CCN6: variants seen among roughly 807,000 people sequenced by gnomAD.
CCN6 encodes the protein cellular communication network factor 6, also known as CCN family member 6.
A neutral mutation model predicts 37.4 loss-of-function variants in CCN6; 31 were observed. That is an observed-to-expected ratio of 0.83 (90% CI 0.62 to 1.12). The LOEUF is 1.12. CCN6 is among the 50% of genes most tolerant of loss of function. The pLI is 0.00. For synonymous variants in CCN6, 137 were observed against 142.1 expected, an observed-to-expected ratio of 0.96 and a Z score of 0.26; for missense variants, 369 against 413.8, an observed-to-expected ratio of 0.89 and a Z score of 0.94.
At position 112,064,768 on chromosome 6, in the gene CCN6, T is replaced by A; in HGVS notation, c.360T>A (p.Val120=). The A allele has an allele frequency of 6.2e-7, 1 of 1,614,062 alleles. No homozygotes were observed. Residue 120 remains valine, a synonymous_variant, in exon 3 of 5, where the codon GTT becomes GTA. Coordinates refer to ENST00000368666, the MANE Select transcript of CCN6 (RefSeq NM_198239.2). ...TTCTCTTTTCAGACCTTGTAGCTGT[T>A]GGGTGCGAGTTCAACCAGGTACATT... is the stretch of plus-strand genomic sequence containing the variant. The part of the protein sequence containing the change: ...ETGVCAYLVA[V]GCEFNQVHYH...
chr6:112,069,481 AG>A lies in CCN6; in HGVS notation c.927del (p.Lys309AsnfsTer4). 1 of 1,613,776 alleles carries A rather than the reference AG, an allele frequency of 6.2e-7. No individual in the cohort carries two copies. Among genetic ancestry groups the A allele is most frequent in the Non-Finnish European group, 8.5e-7 (1 of 1,179,846 alleles). ...CLDKRCCIPNKSKMITIQFDC... is the reference protein window; with the variant it reads ...CLDKRCCIPNXSKMITIQFDC... ...GATAAGAGATGCTGTATCCCTAATA[AG>A]TCTAAAATGATTACTATTCAATTTG... On this transcript the variant is annotated frameshift_variant, in exon 5 of 5. Transcript: ENST00000368666. LOFTEE classifies it high-confidence loss of function.
chr6:112,064,765 T>C lies in CCN6; in HGVS notation c.357T>C (p.Ala119=), dbSNP rs1184420428. Residue 119 remains alanine (A), a synonymous_variant, in exon 3 of 5, where the codon GCT becomes GCC. Transcript: ENST00000368666. ...YETGVCAYLV[A]VGCEFNQVHY... ...CTTTTCTCTTTTCAGACCTTGTAGCTGTTGGGTGCGAGTTCAACCAGGTAC... is the reference window on the plus strand; with the variant it reads ...CTTTTCTCTTTTCAGACCTTGTAGCCGTTGGGTGCGAGTTCAACCAGGTAC... 6.2e-7 allele frequency: 1 copy of C among 1,613,954 alleles called. No homozygotes were observed. The highest frequency in any genetic ancestry group is 8.5e-7 in the Non-Finnish European group (1 of 1,179,938).
In CCN6 at chr6:112,061,311, G is replaced by A. The variant is rs1554312832; in HGVS notation, c.346+23G>A. ...CATGTAAGTGTCTTCTTCTGGACCT[G>A]CTGGAAAAGATTGAGTCTAGACAGA... On this transcript the variant is annotated intron_variant, in intron 2 of 4. Transcript: ENST00000368666. 1.9e-6 allele frequency: 3 copies of A among 1,613,976 alleles called. No individual in the cohort carries two copies. The South Asian group carries it at 3.3e-5, about 18-fold the overall frequency.
intron 2 of CCN6, 86 bp downstream of exon 2, chr6:112,061,374 G>T: frequency 6.4e-7 from 1 of 1,573,088 alleles, no homozygotes; most frequent in South Asian, 1.1e-5. Context: ...GGAGTGATCA[G>T]CTTAGTTTGG....
intron 2 of CCN6, 131 bp from the exon 3 acceptor site, chr6:112,064,624 A>G: frequency 7.0e-7 from 1 of 1,424,260 alleles, no homozygotes; most frequent in Non-Finnish European, 9.8e-7. Context: ...GGAGGTTCCA[A>G]ATGGAACCTA....
Position 112,069,574 on chromosome 6 carries a change from A to C in CCN6, c.1019A>C (p.Asn340Thr), listed in dbSNP as rs1554314794. 6.2e-7 allele frequency: 1 copy of C among 1,613,744 alleles called. No individual in the cohort carries two copies. Among genetic ancestry groups the C allele is most frequent in the Non-Finnish European group, 8.5e-7 (1 of 1,179,798 alleles). The change falls in exon 5 of 5, where the codon AAC (asparagine) becomes ACC (threonine). Residue 340 changes from asparagine to threonine, a missense_variant. Asn to Thr is a moderately conservative substitution (Grantham distance 65). Coordinates refer to ENST00000368666, the MANE Select transcript of CCN6 (RefSeq NM_198239.2). ...LWITSCVCQR[N>T]CREPGDIFSE... ...ATTACATCTTGTGTGTGTCAGAGAAACTGCAGAGAACCTGGAGATATATTT... is the reference window on the plus strand; with the variant it reads ...ATTACATCTTGTGTGTGTCAGAGAACCTGCAGAGAACCTGGAGATATATTT...
intron 1 of CCN6, among the ~76,000 whole-genome samples, chr6:112,058,418 G>A (rs1776411861): frequency 6.6e-6 from 1 of 152,192 alleles, no homozygotes. Flanking sequence ...AACATTAAGA[G>A]TTATTTACAT....
chr6:112,052,996 C>T (rs953286947), upstream of CCN6, among the ~76,000 whole-genome samples: 1 of 152,072 alleles, frequency 6.6e-6, no homozygotes, highest in Non-Finnish European at 1.5e-5. Flanking sequence ...TGAACAGTAA[C>T]AAAGGTGAGC....
rs781786474 is a variant in CCN6, at chr6:112,054,333, A to C, written c.-25A>C. The stretch of plus-strand genomic sequence containing the variant: ...ACAAGCGGCGACTTCTCTACCCCTC[A>C]GGGTGGCTCCACGGTCCCAGCGACA... On this transcript the variant is annotated 5_prime_UTR_variant, in exon 1 of 5. Coordinates refer to ENST00000368666, the MANE Select transcript of CCN6 (RefSeq NM_198239.2). 1.2e-6 allele frequency: 2 copies of C among 1,614,022 alleles called. No homozygotes were observed. Among genetic ancestry groups the C allele is most frequent in the South Asian group, 2.2e-5 (2 of 91,062 alleles).
At position 112,064,269 on chromosome 6, in the gene CCN6, C is replaced by A. The variant is rs142208822; in HGVS notation, c.347-486C>A. On this transcript the variant is annotated intron_variant, in intron 2 of 4. Coordinates refer to ENST00000368666, the MANE Select transcript of CCN6 (RefSeq NM_198239.2). ...GGACCACACTTGGGGAACAGCCTAT[C>A]CAGAAAGTCAAGAATACCCATCAGA... Among the ~76,000 whole-genome samples the A allele has an allele frequency of 6.8e-3, 1,033 of 152,298 alleles. 8 individuals are homozygous for A. Among genetic ancestry groups the A allele is most frequent in the African/African-American group, 0.024 (992 of 41,556 alleles).
Position 112,062,067 on chromosome 6 carries a change from G to A in CCN6, c.346+779G>A, listed in dbSNP as rs141684926. 6.8e-3 allele frequency among the ~76,000 whole-genome samples: 1,034 copies of A among 152,212 alleles called. 8 individuals carry two copies. The highest frequency in any genetic ancestry group is 0.024 in the African/African-American group (993 of 41,524). On this transcript the variant is annotated intron_variant, in intron 2 of 4. Transcript: ENST00000368666. The stretch of plus-strand genomic sequence containing the variant: ...CTGAATGTGTAGAGCACTCAAGCTT[G>A]ATAGCCTGATGCCCCTGCCAGCACT...
At chr6:112,053,924 G>C (rs1776270875), upstream of CCN6, 2 of 357,268 alleles carry the variant, frequency 5.6e-6, no homozygotes, top group Non-Finnish European at 5.4e-6. Context: ...AAGCAGCCTA[G>C]AGAGGACCCG....
chr6:112,054,289 T>G lies in CCN6; in HGVS notation c.-69T>G. ...GTTTGCAGAGGAGACAGGGGAGCTTTGTGTACCCGGAGCAATGAACAAGCG... is the reference window on the plus strand; with the variant it reads ...GTTTGCAGAGGAGACAGGGGAGCTTGGTGTACCCGGAGCAATGAACAAGCG... On this transcript the variant is annotated 5_prime_UTR_variant, in exon 1 of 5. Coordinates refer to ENST00000368666, the MANE Select transcript of CCN6 (RefSeq NM_198239.2). The G allele has an allele frequency of 1.2e-6, 2 of 1,613,290 alleles. No individual in the cohort carries two copies. Among genetic ancestry groups the G allele is most frequent in the Admixed American group, 3.3e-5 (2 of 59,976 alleles).
rs193039143 is a variant in CCN6 at position 112,061,396 on chromosome 6, G to T, written c.346+108G>T. The T allele has an allele frequency of 2.4e-4, 347 of 1,468,018 alleles. No individual in the cohort carries two copies. In the African/African-American group the frequency reaches 3.5e-3, roughly 15 times the overall value. 90.9% of individuals were successfully genotyped at this position (1,468,018 alleles called of 1,614,324 possible). A position where few individuals can be genotyped will look rare whatever the true frequency, so the allele number is the denominator to read the frequency against. ...TCAGCTTAGTTTGGCTAAATATGAG[G>T]TGGGTTTAGTTTTCATGCACCAGTG... is the stretch of plus-strand genomic sequence containing the variant. On this transcript the variant is annotated intron_variant, in intron 2 of 4. Transcript: ENST00000368666.
rs1776623374 is a variant in CCN6, at chr6:112,064,646, G to A, written c.347-109G>A. On this transcript the variant is annotated intron_variant, in intron 2 of 4. Coordinates refer to ENST00000368666, the MANE Select transcript of CCN6 (RefSeq NM_198239.2). ...CCAAATGGAACCTAAGAGGTTGAGA[G>A]CTATACTTCATACAGGAGATGATCC... 3.6e-5 allele frequency: 56 copies of A among 1,547,056 alleles called. 3 individuals carry two copies. The South Asian group carries it at 6.2e-4, about 17-fold the overall frequency.
At chr6:112,061,521 CTTCTCAGGTAA>C (rs1249213690) in intron 2 of CCN6, 1 of 561,432 alleles carries the variant, frequency 1.8e-6, no homozygotes, top group Non-Finnish European at 3.2e-6. Flanking sequence ...TTTTGCAGTT[CTTCTCAGGTAA>C]TTGCTTTTAA....
At chr6:112,053,148 A>G (rs1776254444), upstream of CCN6, among the ~76,000 whole-genome samples, 1 of 152,136 alleles carries the variant, frequency 6.6e-6, no homozygotes, top group Non-Finnish European at 1.5e-5. Flanking sequence ...GGCAGCTGCA[A>G]ATGAAGATGG....
intron 3 of CCN6, among the ~76,000 whole-genome samples, chr6:112,066,505 T>TA (rs1280833678): frequency 6.6e-6 from 1 of 152,174 alleles, no homozygotes; most frequent in Admixed American, 6.5e-5. Context: ...TCTTAGTAGT[T>TA]AGTGTTTTGT....
chr6:112,064,738 C>T lies in CCN6; in HGVS notation c.347-17C>T. The T allele has an allele frequency of 6.2e-7, 1 of 1,613,880 alleles. No homozygotes were observed. The highest frequency in any genetic ancestry group is 8.5e-7 in the Non-Finnish European group (1 of 1,179,880). On this transcript the variant is annotated splice_polypyrimidine_tract_variant and intron_variant, in intron 2 of 4. Coordinates refer to ENST00000368666, the MANE Select transcript of CCN6 (RefSeq NM_198239.2). ...GATCATGGCTTCTTTGGCAATTTTG[C>T]TCTTTTCTCTTTTCAGACCTTGTAG...
Sources: gnomAD v4.1 joint callset for allele counts (sites outside exome capture counted in the v4.1 genomes callset) on GRCh38, gnomAD v4.1.1 for gene constraint, MANE v1.5 for transcripts, NCBI Gene and HGNC (gene_info 2026-07-23, HGNC 2026-07-21) for gene names.